Variants in RELN observed in about 807,000 individuals in gnomAD.
RELN encodes reelin.
In RELN, 108 loss-of-function variants were observed where a neutral mutation model predicts 427.6. The observed-to-expected ratio is 0.25, with a 90% confidence interval of 0.22 to 0.30. The LOEUF (loss-of-function observed/expected upper bound fraction) is 0.30, where lower values mean the gene tolerates loss of function less well. Among genes scored for constraint, RELN ranks in the 10% least tolerant of loss-of-function variants. RELN has a pLI of 1.00. For synonymous variants in RELN, 1,524 were observed against 1,513.4 expected, an observed-to-expected ratio of 1.01 and a Z score of -0.16; for missense variants, 3,715 against 4,302.8, an observed-to-expected ratio of 0.86 and a Z score of 3.82.
chr7:103,746,942 C>G (rs1790851475), intron 6 of RELN, among the ~76,000 whole-genome samples: 1 of 152,152 alleles, frequency 6.6e-6, no homozygotes, highest in South Asian at 2.1e-4. Flanking sequence ...ACAAATCATG[C>G]TGCTACAAAG....
chr7:103,835,090 G>A, intron 2 of RELN, among the ~76,000 whole-genome samples: 1 of 152,156 alleles, frequency 6.6e-6, no homozygotes, highest in Non-Finnish European at 1.5e-5. Flanking sequence ...GGTACATCTA[G>A]ACAATGGAAT....
In RELN at chr7:103,726,122, G is replaced by C. The variant is rs148773695; in HGVS notation, c.753+1989C>G. ...TTCAGTCACAAAGTACCATGCAAATGTTTGGATTTTAGTAAATATTGAATA... is the reference window on the plus strand; with the variant it reads ...TTCAGTCACAAAGTACCATGCAAATCTTTGGATTTTAGTAAATATTGAATA... On this transcript the variant is annotated intron_variant, in intron 7 of 64. Coordinates refer to ENST00000428762, the MANE Select transcript of RELN (RefSeq NM_005045.4). 5.1e-3 allele frequency among the ~76,000 whole-genome samples: 772 copies of C among 152,254 alleles called. 10 individuals are homozygous for C. The highest frequency in any genetic ancestry group is 0.018 in the African/African-American group (736 of 41,534).
intron 3 of RELN, among the ~76,000 whole-genome samples, chr7:103,793,963 C>T (rs1792234011): frequency 6.6e-6 from 1 of 152,052 alleles, no homozygotes. Context: ...GATGGGGTTT[C>T]ACCATGTTGG....
chr7:103,826,991 C>T (rs919936350), intron 3 of RELN, among the ~76,000 whole-genome samples: 5 of 147,040 alleles, frequency 3.4e-5, no homozygotes, highest in Admixed American at 1.4e-4. Context: ...GGTTGTTTTG[C>T]TATAGCTTTT....
chr7:103,582,264 T>C (rs1831169364), intron 28 of RELN, among the ~76,000 whole-genome samples: 1 of 152,192 alleles, frequency 6.6e-6, no homozygotes, highest in South Asian at 2.1e-4. Context: ...AACTTCTATA[T>C]TGTTGAAAAT....
chr7:103,700,970 C>G lies in RELN; in HGVS notation c.842G>C (p.Ser281Thr). The change falls in exon 9 of 65, where the codon AGC becomes ACC. Residue 281 changes from serine (S) to threonine (T), a missense_variant. Physicochemically the swap from Ser to Thr is moderately conservative, Grantham distance 58. Coordinates refer to ENST00000428762, the MANE Select transcript of RELN (RefSeq NM_005045.4). ...GSCRFSYSDP[S>T]IIVLYAKNNS... is the part of the protein sequence containing the mutation. ...ATTCTTGGCATATAACACGATGATG[C>G]TGGGGTCTGAATAACTAAAGCGACA... is the stretch of plus-strand genomic sequence containing the variant. 1 of 1,612,312 alleles carries G rather than the reference C, an allele frequency of 6.2e-7. No homozygotes were observed. The highest frequency in any genetic ancestry group is 8.5e-7 in the Non-Finnish European group (1 of 1,178,502).
At chr7:103,855,122 T>A (rs770031464) in intron 2 of RELN, among the ~76,000 whole-genome samples, 1 of 152,252 alleles carries the variant, frequency 6.6e-6, no homozygotes, top group Non-Finnish European at 1.5e-5. Flanking sequence ...GTACAGACTC[T>A]ATTATAGCAG....
At chr7:103,621,499 G>A (rs1175236730) in intron 20 of RELN, among the ~76,000 whole-genome samples, 10 of 152,184 alleles carry the variant, frequency 6.6e-5, no homozygotes, top group African/African-American at 2.4e-4. Flanking sequence ...CCCAAAAGGA[G>A]TAATGGAAGA....
At chr7:103,844,266 C>G (rs553595008) in intron 2 of RELN, among the ~76,000 whole-genome samples, 99 of 152,280 alleles carry the variant, frequency 6.5e-4, no homozygotes, top group African/African-American at 2.3e-3. Flanking sequence ...CCAATATTCT[C>G]AAGCCTGTCT....
intron 2 of RELN, among the ~76,000 whole-genome samples, chr7:103,872,309 C>T (rs1303961792): frequency 3.7e-5 from 5 of 134,094 alleles, no homozygotes; most frequent in South Asian, 3.0e-4. Flanking sequence ...TGAGAATATG[C>T]GGTGTTTGGT....
chr7:103,521,269 G>A (rs894365421), intron 48 of RELN, among the ~76,000 whole-genome samples: 1 of 152,192 alleles, frequency 6.6e-6, no homozygotes, highest in Middle Eastern at 3.4e-3. Context: ...GTGAGCCACC[G>A]CGCCCGGCCA....
rs1796370447 is a variant in RELN at position 103,953,362 on chromosome 7, C to T, written c.226+35769G>A. Among the ~76,000 whole-genome samples, 1 of 152,206 alleles carries T rather than the reference C, an allele frequency of 6.6e-6. No individual in the cohort carries two copies. The highest frequency in any genetic ancestry group is 2.4e-5 in the African/African-American group (1 of 41,456). On this transcript the variant is annotated intron_variant, in intron 1 of 64. Coordinates refer to ENST00000428762, the MANE Select transcript of RELN (RefSeq NM_005045.4). This position sits in a 1 kb window ranked among gnomAD's most constrained non-coding sequence, Gnocchi z 4.3. Reference sequence around the variant, plus strand: ...TCATAGCGTATTGCACTCTCTGCCACAGACCATCAAGAAGACTCAAGACAA... The same window carrying T: ...TCATAGCGTATTGCACTCTCTGCCATAGACCATCAAGAAGACTCAAGACAA...
intron 2 of RELN, among the ~76,000 whole-genome samples, chr7:103,875,402 A>G (rs1423843411): frequency 6.6e-6 from 1 of 152,104 alleles, no homozygotes; most frequent in Non-Finnish European, 1.5e-5. Context: ...AAAAGAAACT[A>G]CCATCAGAGT....
intron 2 of RELN, among the ~76,000 whole-genome samples, chr7:103,880,179 C>T (rs1794573836): frequency 6.6e-6 from 1 of 151,766 alleles, no homozygotes; most frequent in South Asian, 2.1e-4. Flanking sequence ...GTGATGTTAA[C>T]ATCCACCATC....
chr7:103,939,961 G>C (rs1010679196), intron 1 of RELN, among the ~76,000 whole-genome samples: 2 of 152,110 alleles, frequency 1.3e-5, no homozygotes, highest in African/African-American at 4.8e-5. Flanking sequence ...ACTGGATGAA[G>C]GTTACATGGG....
chr7:103,945,032 C>T (rs1442654846), intron 1 of RELN, among the ~76,000 whole-genome samples: 1 of 152,150 alleles, frequency 6.6e-6, no homozygotes, highest in African/African-American at 2.4e-5. Context: ...TGTAGTTCTA[C>T]CTGGCAGTGC....
At chr7:103,491,856 TCACACACACACACACA>T (rs71110838) in intron 58 of RELN, 81 bp downstream of exon 58, 5,642 of 287,086 alleles carry the variant, frequency 0.02, 61 homozygotes, top group Non-Finnish European at 0.026. Context: ...TCTCTCTCTC[TCACACACACACACACA>T]CACACACACA....
intron 42 of RELN, among the ~76,000 whole-genome samples, chr7:103,544,218 A>ATT (rs1241926155): frequency 8.1e-6 from 1 of 122,946 alleles, no homozygotes; most frequent in Non-Finnish European, 1.7e-5. Flanking sequence ...AAGAAAGAAA[A>ATT]TCTTTTTTTT....
intron 46 of RELN, among the ~76,000 whole-genome samples, chr7:103,530,403 G>A (rs1829913727): frequency 6.6e-6 from 1 of 152,144 alleles, no homozygotes; most frequent in South Asian, 2.1e-4. Context: ...TCCCTCAGCT[G>A]TAGCCCAGAC....
Sources: gnomAD v4.1 joint callset for allele counts (sites outside exome capture counted in the v4.1 genomes callset) on GRCh38, gnomAD v4.1.1 for gene constraint, Gnocchi (gnomAD v3.1) non-coding constraint, MANE v1.5 for transcripts, NCBI Gene and HGNC (gene_info 2026-07-23, HGNC 2026-07-21) for gene names.